The following XXYLT1 variants were observed in gnomAD, a reference collection of about 807,000 sequenced individuals.
XXYLT1 encodes the protein xyloside xylosyltransferase 1.
XXYLT1 carries 20 observed loss-of-function variants against 28.9 expected under a neutral mutation model. The ratio of observed to expected loss-of-function variants is 0.69; its 90% CI spans 0.49 to 1.00. XXYLT1 has a LOEUF of 1.00. Ranked by LOEUF, XXYLT1 falls within the 50% of genes least tolerant of loss-of-function variation. XXYLT1 has a pLI of 0.00. For synonymous variants in XXYLT1, 257 were observed against 253.8 expected (o/e 1.01, Z -0.12); for missense variants, 542 against 560.1 (o/e 0.97, Z 0.33).
intron 2 of XXYLT1, 92 bp from the exon 3 acceptor site, chr3:195,156,673 G>A (rs1179447388): frequency 6.7e-7 from 1 of 1,498,548 alleles, no homozygotes. Context: ...CAGAGAAAAG[G>A]GCACTGGACT....
In XXYLT1 at chr3:195,077,086, G is replaced by A. The variant is rs778559641; in HGVS notation, c.786-6975C>T. ...CCAGGGACTCAGAGGACACCTGTGG[G>A]GCCCAGAACTGCCCTCAGCAAAACC... On this transcript the variant is annotated intron_variant, in intron 3 of 3. Coordinates refer to ENST00000310380, the MANE Select transcript of XXYLT1 (RefSeq NM_152531.5). This position sits in a 1 kb window ranked among gnomAD's most constrained non-coding sequence, Gnocchi z 4.8. Among the ~76,000 whole-genome samples the A allele has an allele frequency of 1.3e-5, 2 of 152,086 alleles. No individual in the cohort carries two copies. Among genetic ancestry groups the A allele is most frequent in the African/African-American group, 2.4e-5 (1 of 41,410 alleles).
intron 2 of XXYLT1, among the ~76,000 whole-genome samples, chr3:195,162,317 G>C (rs1369082820): frequency 6.6e-6 from 1 of 152,112 alleles, no homozygotes; most frequent in Admixed American, 6.5e-5. Context: ...AGACAGGAAG[G>C]CCTTGACTCT....
At chr3:195,132,214 A>T (rs1275582787) in intron 3 of XXYLT1, among the ~76,000 whole-genome samples, 1 of 152,216 alleles carries the variant, frequency 6.6e-6, no homozygotes, top group Non-Finnish European at 1.5e-5. Flanking sequence ...CACTTCTAAA[A>T]TGGGGATAGA....
intron 1 of XXYLT1, chr3:195,259,615 TCG>T (rs1725607918): frequency 1.0e-6 from 1 of 985,322 alleles, no homozygotes; most frequent in Non-Finnish European, 1.2e-6. Flanking sequence ...GCGAGGACAG[TCG>T]CGTGCGACAG....
intron 1 of XXYLT1, among the ~76,000 whole-genome samples, chr3:195,244,865 C>A (rs868139291): frequency 0.013 from 1,009 of 75,050 alleles, 4 homozygotes; most frequent in Non-Finnish European, 0.019. Context: ...AAAAAAAAAA[C>A]AAAAAAAAAC....
intron 1 of XXYLT1, among the ~76,000 whole-genome samples, chr3:195,235,010 G>A (rs1724474000): frequency 6.6e-6 from 1 of 150,972 alleles, no homozygotes; most frequent in South Asian, 2.1e-4. Context: ...GCCCCATTGA[G>A]GCAATTTTCC....
At chr3:195,146,446 C>T (rs1213165752) in intron 3 of XXYLT1, among the ~76,000 whole-genome samples, 2 of 152,270 alleles carry the variant, frequency 1.3e-5, no homozygotes, top group Non-Finnish European at 2.9e-5. Flanking sequence ...TGTGCCTCCA[C>T]TGTAGCCCTG....
intron 2 of XXYLT1, among the ~76,000 whole-genome samples, chr3:195,202,193 C>G (rs1489526800): frequency 6.6e-6 from 1 of 152,016 alleles, no homozygotes; most frequent in East Asian, 1.9e-4. Flanking sequence ...AAAGAGTAGA[C>G]AAGGACTGAC....
chr3:195,202,896 TTAA>T (rs555337288), intron 2 of XXYLT1, among the ~76,000 whole-genome samples: 1 of 152,200 alleles, frequency 6.6e-6, no homozygotes, highest in South Asian at 2.1e-4. Context: ...ATAATTTTTT[TTAA>T]TAATCTTGGA....
At chr3:195,080,152 ACAGAGAAGGTGAGG>A (rs1715349592) in intron 3 of XXYLT1, among the ~76,000 whole-genome samples, 1 of 152,158 alleles carries the variant, frequency 6.6e-6, no homozygotes, top group Admixed American at 6.5e-5. Context: ...GGAAGTGAAG[ACAGAGAAGGTGAGG>A]CAGAAAAGTT....
At chr3:195,107,554 A>AGGAGGAGGG in intron 3 of XXYLT1, among the ~76,000 whole-genome samples, 2 of 5,364 alleles carry the variant, frequency 3.7e-4, no homozygotes, top group African/African-American at 7.2e-4. Flanking sequence ...GAGGAGGGGG[A>AGGAGGAGGG]AGAGGGGGAG....
Position 195,210,898 on chromosome 3 carries a change from C to G in XXYLT1, c.652+15811G>C, listed in dbSNP as rs535787601. 6.6e-6 allele frequency among the ~76,000 whole-genome samples: 1 copy of G among 152,194 alleles called. No homozygotes were observed. Among genetic ancestry groups the G allele is most frequent in the Non-Finnish European group, 1.5e-5 (1 of 68,024 alleles). ...CACCAAGAACCCCTGCTCCTCCCCC[C>G]AGCTGAACGCTGACAGTCAAGGGCA... On this transcript the variant is annotated intron_variant, in intron 2 of 3. Transcript: ENST00000310380. This position sits in a 1 kb window ranked among gnomAD's most constrained non-coding sequence, Gnocchi z 4.8.
chr3:195,177,184 C>T (rs1721709711), intron 2 of XXYLT1, among the ~76,000 whole-genome samples: 1 of 152,232 alleles, frequency 6.6e-6, no homozygotes, highest in Non-Finnish European at 1.5e-5. Flanking sequence ...ACAGTATTAA[C>T]TCGCGTAGTT....
rs971904013 is a variant in XXYLT1, at chr3:195,255,879, G to A, written c.504+14676C>T. The stretch of plus-strand genomic sequence containing the variant: ...CTTCTGCAGCTAAATGAGGGAGGTG[G>A]GGCTCCAACATCTCAGCCTGTAAAT... On this transcript the variant is annotated intron_variant, in intron 1 of 3. Transcript: ENST00000310380. This position sits in a 1 kb window ranked among gnomAD's most constrained non-coding sequence, Gnocchi z 4.5. 1.3e-5 allele frequency among the ~76,000 whole-genome samples: 2 copies of A among 151,982 alleles called. No homozygotes were observed. Among genetic ancestry groups the A allele is most frequent in the Non-Finnish European group, 2.9e-5 (2 of 67,944 alleles).
chr3:195,206,224 A>G (rs986272504), intron 2 of XXYLT1, among the ~76,000 whole-genome samples: 1 of 151,332 alleles, frequency 6.6e-6, no homozygotes, highest in Admixed American at 6.6e-5. Flanking sequence ...GTTAGCCAGG[A>G]TGGTGTCAAT....
At chr3:195,138,492 G>C (rs1031997316) in intron 3 of XXYLT1, among the ~76,000 whole-genome samples, 1 of 152,124 alleles carries the variant, frequency 6.6e-6, no homozygotes, top group African/African-American at 2.4e-5. Flanking sequence ...GGGTGCAGGC[G>C]GCCCTCAGAG....
chr3:195,112,596 C>T (rs547166899), intron 3 of XXYLT1, among the ~76,000 whole-genome samples: 50 of 142,042 alleles, frequency 3.5e-4, no homozygotes, highest in Middle Eastern at 7.4e-3. Context: ...CACACACACA[C>T]GCATGCACAC....
In XXYLT1 at chr3:195,124,589, A is replaced by C. The variant is rs1307787492; in HGVS notation, c.785+31860T>G. Among the ~76,000 whole-genome samples the C allele has an allele frequency of 6.6e-6, 1 of 152,214 alleles. No individual in the cohort carries two copies. The highest frequency in any genetic ancestry group is 1.5e-5 in the Non-Finnish European group (1 of 68,038). On this transcript the variant is annotated intron_variant, in intron 3 of 3. Coordinates refer to ENST00000310380, the MANE Select transcript of XXYLT1 (RefSeq NM_152531.5). This position sits in a 1 kb window ranked among gnomAD's most constrained non-coding sequence, Gnocchi z 4.1. ...CGAACGCAGCCCCAGCACCTGGCAC[A>C]GTGTCTGGTAAGCAGGCAGTGCTCA... is the stretch of plus-strand genomic sequence containing the variant.
intron 1 of XXYLT1, chr3:195,247,738 T>A (rs1725087846): frequency 1.4e-6 from 1 of 697,326 alleles, no homozygotes; most frequent in Non-Finnish European, 2.6e-6. Flanking sequence ...CAAGACTTGG[T>A]GATTTATAAG....
Sources: gnomAD v4.1 joint callset for allele counts (sites outside exome capture counted in the v4.1 genomes callset) on GRCh38, gnomAD v4.1.1 for gene constraint, Gnocchi (gnomAD v3.1) non-coding constraint, MANE v1.5 for transcripts, NCBI Gene and HGNC (gene_info 2026-07-23, HGNC 2026-07-21) for gene names.